Variants in RBFOX1 observed in about 807,000 individuals in gnomAD.
The protein encoded by RBFOX1 is RNA binding protein fox-1 homolog 1.
In RBFOX1, 8 loss-of-function variants were observed where a neutral mutation model predicts 57.7. The ratio of observed to expected loss-of-function variants is 0.14; its 90% CI spans 0.08 to 0.25. The LOEUF (loss-of-function observed/expected upper bound fraction) is 0.25. Among genes scored for constraint, RBFOX1 ranks in the 10% least tolerant of loss-of-function variants. The pLI is 1.00. For missense variants in RBFOX1, 611 were observed against 548.5 expected (o/e 1.11, Z -1.14); for synonymous variants, 326 against 222.4 (o/e 1.47, Z -4.15).
intron 4 of RBFOX1, among the ~76,000 whole-genome samples, chr16:5,935,847 A>C (rs902490659): frequency 6.6e-6 from 1 of 152,120 alleles, no homozygotes; most frequent in African/African-American, 2.4e-5. Context: ...TCATGGTTCT[A>C]AATGCCCCAT....
intron 3 of RBFOX1, among the ~76,000 whole-genome samples, chr16:5,621,712 T>G (rs2048206529): frequency 6.6e-6 from 1 of 152,170 alleles, no homozygotes; most frequent in Non-Finnish European, 1.5e-5. Context: ...GAGGATTCTC[T>G]CCAGGCAAAA....
At chr16:7,567,821 C>G (rs1414009583) in intron 5 of RBFOX1, among the ~76,000 whole-genome samples, 1 of 147,838 alleles carries the variant, frequency 6.8e-6, no homozygotes, top group Non-Finnish European at 1.5e-5. Context: ...ATATATATAC[C>G]TATATATATC....
chr16:7,524,860 C>G (rs562990136), intron 5 of RBFOX1, among the ~76,000 whole-genome samples: 3 of 152,204 alleles, frequency 2.0e-5, no homozygotes, highest in African/African-American at 7.2e-5. Context: ...GATGGAATCA[C>G]TAAGGTATAG....
chr16:6,382,123 G>A (rs2091872961), intron 2 of RBFOX1, among the ~76,000 whole-genome samples: 1 of 152,168 alleles, frequency 6.6e-6, no homozygotes, highest in Non-Finnish European at 1.5e-5. Flanking sequence ...ATTTATGGAT[G>A]CAGAAATTTG....
intron 4 of RBFOX1, among the ~76,000 whole-genome samples, chr16:7,407,598 G>T (rs2098367607): frequency 6.6e-6 from 1 of 152,248 alleles, no homozygotes; most frequent in African/African-American, 2.4e-5. Flanking sequence ...GGTAAGAGCA[G>T]TGTTCAATAG....
chr16:7,122,399 G>C (rs200643516), intron 4 of RBFOX1, among the ~76,000 whole-genome samples: 24 of 152,158 alleles, frequency 1.6e-4, no homozygotes, highest in East Asian at 7.7e-4. Context: ...GGTCCTGAGT[G>C]GGGGGAAAAG....
At chr16:6,914,773 C>G (rs1002875267) in intron 3 of RBFOX1, among the ~76,000 whole-genome samples, 2 of 152,108 alleles carry the variant, frequency 1.3e-5, no homozygotes, top group African/African-American at 2.4e-5. Flanking sequence ...ACTTTGAAGG[C>G]TGAAGCAAGG....
In RBFOX1 at chr16:6,316,982, T is replaced by C; in HGVS notation, c.-126-13T>C. On this transcript the variant is annotated splice_polypyrimidine_tract_variant and intron_variant, in intron 1 of 15. Transcript: ENST00000550418. ...TTCTTGATACTAAAGTCATTCCCCT[T>C]TTTCTTCTTTAGGAAACTGGTCAAA... The C allele has an allele frequency of 6.5e-7, 1 of 1,530,406 alleles. No homozygotes were observed. Among genetic ancestry groups the C allele is most frequent in the Non-Finnish European group, 8.8e-7 (1 of 1,142,494 alleles). 94.8% of individuals were successfully genotyped at this position (1,530,406 alleles called of 1,614,324 possible).
intron 4 of RBFOX1, among the ~76,000 whole-genome samples, chr16:7,447,715 C>G (rs986463979): frequency 6.6e-6 from 1 of 152,212 alleles, no homozygotes; most frequent in Non-Finnish European, 1.5e-5. Flanking sequence ...TCACTATCCT[C>G]TTCTTTTATT....
At chr16:7,440,776 A>G (rs1382346377) in intron 4 of RBFOX1, among the ~76,000 whole-genome samples, 2 of 152,194 alleles carry the variant, frequency 1.3e-5, no homozygotes, top group Non-Finnish European at 2.9e-5. Context: ...TTCCTCTTCA[A>G]CTTCATCCCT....
intron 3 of RBFOX1, among the ~76,000 whole-genome samples, chr16:6,905,192 C>G (rs527937650): frequency 7.9e-5 from 12 of 151,618 alleles, no homozygotes; most frequent in African/African-American, 2.4e-4. Context: ...TTTTTTTTCT[C>G]AATAACACTT....
chr16:6,753,518 C>T (rs1320500120), intron 3 of RBFOX1, among the ~76,000 whole-genome samples: 1 of 152,160 alleles, frequency 6.6e-6, no homozygotes, highest in Non-Finnish European at 1.5e-5. Context: ...TACCATGTCT[C>T]TCTGCCTGTT....
At chr16:7,404,578 A>G (rs1320602000) in intron 4 of RBFOX1, among the ~76,000 whole-genome samples, 1 of 152,218 alleles carries the variant, frequency 6.6e-6, no homozygotes, top group African/African-American at 2.4e-5. Flanking sequence ...TAAAGAATGT[A>G]AATAATTTAC....
intron 4 of RBFOX1, among the ~76,000 whole-genome samples, chr16:7,401,977 C>T (rs1398613670): frequency 2.0e-5 from 3 of 152,170 alleles, no homozygotes; most frequent in Admixed American, 2.0e-4. Flanking sequence ...ATCAAGCATG[C>T]AGCAGGTAGA....
chr16:5,388,586 A>G (rs900842932), intron 1 of RBFOX1, among the ~76,000 whole-genome samples: 5 of 151,832 alleles, frequency 3.3e-5, no homozygotes, highest in African/African-American at 9.7e-5. Context: ...ATGTATGTAT[A>G]TATTTACTGA....
intron 1 of RBFOX1, chr16:5,366,334 A>G (rs2065714969): frequency 2.8e-6 from 1 of 356,038 alleles, no homozygotes. Flanking sequence ...GATGATTTTG[A>G]TGATGATGAT....
At position 6,237,828 on chromosome 16, in the gene RBFOX1, A is replaced by G. The variant is rs568969051; in HGVS notation, c.-126-79167A>G. 5.3e-5 allele frequency among the ~76,000 whole-genome samples: 8 copies of G among 152,150 alleles called. No homozygotes were observed. The East Asian group carries it at 1.5e-3, about 29-fold the overall frequency. ...CTGCCTTATGGCTGGATGCGTTGGC[A>G]CACACCTGTAATCCCAGCACTTTGG... On this transcript the variant is annotated intron_variant, in intron 1 of 15. Transcript: ENST00000550418.
At chr16:7,123,233 G>A (rs1405290134) in intron 4 of RBFOX1, among the ~76,000 whole-genome samples, 2 of 152,136 alleles carry the variant, frequency 1.3e-5, no homozygotes, top group African/African-American at 4.8e-5. Context: ...TAGATTATAT[G>A]AGGATAAAGT....
intron 3 of RBFOX1, among the ~76,000 whole-genome samples, chr16:5,834,726 CATAG>C (rs375801995): frequency 5.5e-5 from 7 of 128,270 alleles, no homozygotes; most frequent in African/African-American, 2.1e-4. Flanking sequence ...TACATAGATA[CATAG>C]ATACATACAT....
Sources: gnomAD v4.1 joint callset for allele counts (sites outside exome capture counted in the v4.1 genomes callset) on GRCh38, gnomAD v4.1.1 for gene constraint, MANE v1.5 for transcripts, NCBI Gene and HGNC (gene_info 2026-07-23, HGNC 2026-07-21) for gene names.